RBMS3: variants seen among roughly 807,000 people sequenced by gnomAD.
RBMS3 encodes RNA binding motif single stranded interacting protein 3.
A neutral mutation model predicts 66.8 loss-of-function variants in RBMS3; 27 were observed. The observed-to-expected ratio is 0.40, with a 90% CI of 0.30 to 0.56. RBMS3 has a LOEUF of 0.56. Ranked by LOEUF, RBMS3 falls within the 20% of genes least tolerant of loss-of-function variation. RBMS3 has a pLI of 0.40. For missense variants in RBMS3, 513 were observed against 549.5 expected (o/e 0.93, Z 0.66); for synonymous variants, 188 against 183.0 (o/e 1.03, Z -0.22).
intron 6 of RBMS3, among the ~76,000 whole-genome samples, chr3:29,864,078 C>T (rs1263450277): frequency 6.6e-6 from 1 of 152,110 alleles, no homozygotes; most frequent in Non-Finnish European, 1.5e-5. Flanking sequence ...TGGAACTTAG[C>T]TTTAGCAACA....
chr3:29,476,863 T>A lies in RBMS3; in HGVS notation c.249-11578T>A, dbSNP rs556479199. ...TTAAATGAAGCATGCATTCTTGTATTACTTAATCACAGAAATGCAATTTGA... is the reference window on the plus strand; with the variant it reads ...TTAAATGAAGCATGCATTCTTGTATAACTTAATCACAGAAATGCAATTTGA... On this transcript the variant is annotated intron_variant, in intron 2 of 14. Coordinates refer to ENST00000383767, the MANE Select transcript of RBMS3 (RefSeq NM_001003793.3). 2.0e-5 allele frequency among the ~76,000 whole-genome samples: 3 copies of A among 152,334 alleles called. No homozygotes were observed. The South Asian group carries it at 6.2e-4, about 32-fold the overall frequency.
At chr3:29,564,004 C>CAAAAAAA (rs549817111) in intron 3 of RBMS3, among the ~76,000 whole-genome samples, 1 of 72,902 alleles carries the variant, frequency 1.4e-5, no homozygotes, top group African/African-American at 4.3e-5. Flanking sequence ...GAGATGCTGT[C>CAAAAAAA]AAAAAAAAAA....
At chr3:29,467,840 T>C (rs1432119786) in intron 2 of RBMS3, among the ~76,000 whole-genome samples, 1 of 151,996 alleles carries the variant, frequency 6.6e-6, no homozygotes, top group Admixed American at 6.6e-5. Flanking sequence ...TGGCACCATG[T>C]ATTAGTATCA....
At chr3:29,898,736 C>CGTGTGTGTGT (rs3072651) in intron 9 of RBMS3, among the ~76,000 whole-genome samples, 2,037 of 142,600 alleles carry the variant, frequency 0.014, 41 homozygotes, top group African/African-American at 0.044. Context: ...TTGTAATGTG[C>CGTGTGTGTGT]GTGTGTGTGT....
intron 4 of RBMS3, among the ~76,000 whole-genome samples, chr3:29,720,928 C>T (rs959440790): frequency 6.6e-6 from 1 of 151,966 alleles, no homozygotes; most frequent in African/African-American, 2.4e-5. Flanking sequence ...TGCTTTTAAA[C>T]CAAATGAAAG....
intron 4 of RBMS3, among the ~76,000 whole-genome samples, chr3:29,659,048 A>G (rs1238181501): frequency 1.3e-5 from 2 of 151,968 alleles, no homozygotes; most frequent in African/African-American, 4.8e-5. Context: ...TGATCTCCTG[A>G]CCTCGTAATC....
At chr3:29,615,422 C>T (rs1047288217) in intron 4 of RBMS3, among the ~76,000 whole-genome samples, 3 of 151,048 alleles carry the variant, frequency 2.0e-5, no homozygotes, top group Admixed American at 2.0e-4. Flanking sequence ...GCATTTTTTC[C>T]AAAAAATTTA....
At chr3:29,981,487 A>G (rs1697991403) in intron 12 of RBMS3, among the ~76,000 whole-genome samples, 1 of 152,144 alleles carries the variant, frequency 6.6e-6, no homozygotes, top group Non-Finnish European at 1.5e-5. Context: ...GTGGTGAGAG[A>G]GGGCATCCTT....
At chr3:29,983,229 C>A (rs1161046202) in intron 12 of RBMS3, among the ~76,000 whole-genome samples, 2 of 133,848 alleles carry the variant, frequency 1.5e-5, no homozygotes, top group African/African-American at 3.2e-5. Flanking sequence ...AGGATTGCAA[C>A]CCCCGCCCCC....
intron 1 of RBMS3, among the ~76,000 whole-genome samples, chr3:29,317,055 G>C (rs2034724903): frequency 6.6e-6 from 1 of 151,574 alleles, no homozygotes; most frequent in Admixed American, 6.6e-5. Context: ...TCATTCTTTT[G>C]TCAAAACGTT....
chr3:29,644,968 T>C (rs1055040782), intron 4 of RBMS3, among the ~76,000 whole-genome samples: 1 of 152,186 alleles, frequency 6.6e-6, no homozygotes, highest in Non-Finnish European at 1.5e-5. Flanking sequence ...CTAATCCCTG[T>C]AGAAGTATTG....
At position 29,488,156 on chromosome 3, in the gene RBMS3, C is replaced by T. The variant is rs565173158; in HGVS notation, c.249-285C>T. On this transcript the variant is annotated intron_variant, in intron 2 of 14. Transcript: ENST00000383767. ...CTTTCTTCCATGAATCCACAGAGTG[C>T]GATTTACTGTGATCACAATCACATG... is the stretch of plus-strand genomic sequence containing the variant. Among the ~76,000 whole-genome samples, 20 of 152,286 alleles carry T rather than the reference C, an allele frequency of 1.3e-4. No homozygotes were observed. In the South Asian group the frequency reaches 2.7e-3, roughly 21 times the overall value.
intron 1 of RBMS3, among the ~76,000 whole-genome samples, chr3:29,387,376 A>T (rs2039056663): frequency 1.3e-5 from 2 of 152,176 alleles, no homozygotes; most frequent in East Asian, 3.8e-4. Context: ...CTTCTCACTG[A>T]TTTAGCTAAA....
intron 14 of RBMS3, among the ~76,000 whole-genome samples, chr3:30,001,878 T>C (rs987018158): frequency 6.6e-6 from 1 of 152,008 alleles, no homozygotes; most frequent in African/African-American, 2.4e-5. Flanking sequence ...TAAAAAAAAT[T>C]AAAACCCTTC....
intron 1 of RBMS3, among the ~76,000 whole-genome samples, chr3:29,322,719 T>C (rs577237170): frequency 2.6e-5 from 4 of 152,186 alleles, no homozygotes; most frequent in South Asian, 4.1e-4. Context: ...GATTTGTGGA[T>C]GGTTCCTTGG....
intron 6 of RBMS3, among the ~76,000 whole-genome samples, chr3:29,815,422 T>C (rs2149465102): frequency 6.6e-6 from 1 of 152,318 alleles, no homozygotes; most frequent in Non-Finnish European, 1.5e-5. Flanking sequence ...GGAAACAATA[T>C]ACTATAATGT....
At chr3:29,636,470 A>C (rs1235553967) in intron 4 of RBMS3, among the ~76,000 whole-genome samples, 1 of 151,900 alleles carries the variant, frequency 6.6e-6, no homozygotes, top group Non-Finnish European at 1.5e-5. Context: ...CACTGAAACT[A>C]TTCAGGTATG....
intron 1 of RBMS3, among the ~76,000 whole-genome samples, chr3:29,411,134 T>G (rs2040249735): frequency 6.6e-6 from 1 of 152,164 alleles, no homozygotes; most frequent in African/African-American, 2.4e-5. Context: ...AAAGCAGCTA[T>G]CCTTTGATAT....
At chr3:29,964,249 A>G (rs1577263991) in intron 12 of RBMS3, among the ~76,000 whole-genome samples, 1 of 152,234 alleles carries the variant, frequency 6.6e-6, no homozygotes, top group East Asian at 1.9e-4. Context: ...CACAAGCACC[A>G]TGTGAAATTT....
Sources: allele counts gnomAD v4.1 joint callset (sites outside exome capture counted in the v4.1 genomes callset), GRCh38; gene constraint gnomAD v4.1.1; transcripts MANE v1.5; gene names NCBI Gene and HGNC (gene_info 2026-07-23, HGNC 2026-07-21).